Variants in KRABD2 observed in about 807,000 individuals in gnomAD.
KRABD2 encodes the protein KRAB domain containing 2, also known as KRAB domain-containing protein 2.
the KRABD2 span, chr17:8,370,430 T>G: frequency 7.8e-7 from 1 of 1,277,932 alleles, no homozygotes; most frequent in Non-Finnish European, 1.1e-6. Flanking sequence ...TCACTGACAC[T>G]CCCACCTGGA....
the KRABD2 span, chr17:8,369,168 G>T: frequency 6.2e-7 from 1 of 1,613,946 alleles, no homozygotes; most frequent in Non-Finnish European, 8.5e-7. Flanking sequence ...CCCTTGTGAG[G>T]TGCTGGGTTC....
At chr17:8,372,853 C>T in the KRABD2 span, among the ~76,000 whole-genome samples, 1 of 151,926 alleles carries the variant, frequency 6.6e-6, no homozygotes, top group South Asian at 2.1e-4. The surrounding 1 kb of genome is among the most constrained non-coding windows in gnomAD (Gnocchi z 4.1). Context: ...TGCTTGAGGC[C>T]AGGAGTTCAA....
chr17:8,360,900 G>A, the KRABD2 span, among the ~76,000 whole-genome samples: 3 of 152,162 alleles, frequency 2.0e-5, no homozygotes, highest in African/African-American at 7.2e-5. Flanking sequence ...TCAATGGTCT[G>A]TTGTACTAAT....
At chr17:8,363,826 C>CATATATATATATAT in the KRABD2 span, among the ~76,000 whole-genome samples, 11 of 54,176 alleles carry the variant, frequency 2.0e-4, no homozygotes, top group East Asian at 5.5e-4. Flanking sequence ...ATATATATAT[C>CATATATATATATAT]ATACATATAT....
chr17:8,375,831 A>G, the KRABD2 span: 5 of 1,063,524 alleles, frequency 4.7e-6, no homozygotes, highest in African/African-American at 1.6e-5. Context: ...TGTGACGGCT[A>G]GGTGATAAAC....
chr17:8,376,156 C>G, the KRABD2 span: 1 of 1,231,646 alleles, frequency 8.1e-7, no homozygotes, highest in Non-Finnish European at 1.0e-6. Context: ...TTTGGAGGGC[C>G]CACGAATACA....
At chr17:8,375,823 T>C in the KRABD2 span, 1 of 1,030,930 alleles carries the variant, frequency 9.7e-7, no homozygotes, top group Non-Finnish European at 1.2e-6. Context: ...GTGATCTATG[T>C]GACGGCTAGG....
the KRABD2 span, among the ~76,000 whole-genome samples, chr17:8,359,047 A>T: frequency 6.6e-6 from 1 of 152,216 alleles, no homozygotes; most frequent in African/African-American, 2.4e-5. Flanking sequence ...CTTTAACTGG[A>T]ATAGCTCCTC....
the KRABD2 span, among the ~76,000 whole-genome samples, chr17:8,374,111 C>A: frequency 2.6e-5 from 4 of 152,376 alleles, no homozygotes; most frequent in Admixed American, 2.6e-4. Context: ...GGGCCGCCAC[C>A]CCGTCTGGGA....
chr17:8,362,244 G>T, the KRABD2 span, among the ~76,000 whole-genome samples: 1 of 152,012 alleles, frequency 6.6e-6, no homozygotes, highest in Non-Finnish European at 1.5e-5. This position sits in a 1 kb window ranked among gnomAD's most constrained non-coding sequence, Gnocchi z 4.2. Flanking sequence ...GCGGGAGAAT[G>T]GCGTGAACCC....
chr17:8,360,103 G>T, the KRABD2 span, among the ~76,000 whole-genome samples: 2 of 152,126 alleles, frequency 1.3e-5, no homozygotes, highest in African/African-American at 2.4e-5. Flanking sequence ...GAACTCCTAC[G>T]CCAAAGTTCC....
At chr17:8,369,413 G>A in the KRABD2 span, 5 of 1,614,112 alleles carry the variant, frequency 3.1e-6, no homozygotes, top group South Asian at 1.1e-5. Context: ...GCAAGGAAAC[G>A]TCGAAAGCCT....
chr17:8,376,379 T>TTG, the KRABD2 span: 37 of 1,176,326 alleles, frequency 3.1e-5, no homozygotes, highest in Non-Finnish European at 3.6e-5. Flanking sequence ...TCACAATCGA[T>TTG]TGCTATGAAG....
At chr17:8,361,482 G>C in the KRABD2 span, among the ~76,000 whole-genome samples, 1 of 152,212 alleles carries the variant, frequency 6.6e-6, no homozygotes, top group Non-Finnish European at 1.5e-5. Context: ...CATGTGCCTA[G>C]ACCTGATGCC....
the KRABD2 span, among the ~76,000 whole-genome samples, chr17:8,372,598 A>G: frequency 8.5e-5 from 13 of 152,226 alleles, no homozygotes; most frequent in African/African-American, 2.9e-4. The surrounding 1 kb of genome is among the most constrained non-coding windows in gnomAD (Gnocchi z 4.1). Context: ...AGCCGGTCCT[A>G]CTAGTTCTAA....
At chr17:8,360,965 G>A in the KRABD2 span, among the ~76,000 whole-genome samples, 3 of 152,088 alleles carry the variant, frequency 2.0e-5, no homozygotes, top group African/African-American at 7.2e-5. Context: ...TGAGCTTCTC[G>A]GTTGCCTCCC....
At chr17:8,371,564 G>A in the KRABD2 span, 2 of 1,561,656 alleles carry the variant, frequency 1.3e-6, no homozygotes, top group East Asian at 2.3e-5. Context: ...AAGCGAGTCA[G>A]GTGAATAAAT....
chr17:8,367,031 A>C, the KRABD2 span: 1 of 151,744 alleles, frequency 6.6e-6, no homozygotes, highest in Non-Finnish European at 1.5e-5. Context: ...TCCTTCATCT[A>C]CTTATTTTCC....
At chr17:8,375,854 G>A in the KRABD2 span, 1 of 1,214,452 alleles carries the variant, frequency 8.2e-7, no homozygotes, top group Non-Finnish European at 1.0e-6. Context: ...GTTGGTCAGA[G>A]AAAACTGGAA....
Sources: gnomAD v4.1 joint callset for allele counts (sites outside exome capture counted in the v4.1 genomes callset) on GRCh38, gnomAD v4.1.1 for gene constraint, Gnocchi (gnomAD v3.1) non-coding constraint, MANE v1.5 for transcripts, NCBI Gene and HGNC (gene_info 2026-07-23, HGNC 2026-07-21) for gene names.